The following PCDH15 variants were observed in gnomAD, a reference collection of about 807,000 sequenced individuals.
The protein encoded by PCDH15 is protocadherin-15.
Under a neutral mutation model 178.5 loss-of-function variants are expected in PCDH15, and 129 were observed. The observed-to-expected ratio is 0.72, with a 90% CI of 0.63 to 0.84. The LOEUF is 0.84. Ranked by LOEUF, PCDH15 falls within the 40% of genes least tolerant of loss-of-function variation. The pLI is 0.00. For missense variants in PCDH15, 2,230 were observed against 2,099.9 expected (o/e 1.06, Z -1.21); for synonymous variants, 800 against 732.0 (o/e 1.09, Z -1.50).
intron 3 of PCDH15, among the ~76,000 whole-genome samples, chr10:54,504,371 T>C (rs557085338): frequency 6.6e-6 from 1 of 152,256 alleles, no homozygotes; most frequent in East Asian, 1.9e-4. Context: ...TCAGGTATTG[T>C]TCAGGTACTG....
chr10:55,582,204 C>T (rs936443278), intron 2 of PCDH15, among the ~76,000 whole-genome samples: 1 of 152,144 alleles, frequency 6.6e-6, no homozygotes, highest in African/African-American at 2.4e-5. Context: ...AATCTAGAAT[C>T]TCATAAAGTC....
chr10:55,375,271 A>T (rs1401658586), intron 2 of PCDH15, among the ~76,000 whole-genome samples: 1 of 152,122 alleles, frequency 6.6e-6, no homozygotes, highest in Admixed American at 6.6e-5. Flanking sequence ...TTTAAGGAAA[A>T]CTTAAGAAAG....
rs148105167 is a variant in PCDH15 at position 55,233,356 on chromosome 10, A to G, written c.-155-66705T>C. On this transcript the variant is annotated intron_variant, in intron 1 of 5. Transcript: ENST00000458638. ...TATGTTTAACTGCAAAGTTATTTCTACCTCACAATAATTAGATGCTTTACT... is the reference window on the plus strand; with the variant it reads ...TATGTTTAACTGCAAAGTTATTTCTGCCTCACAATAATTAGATGCTTTACT... Among the ~76,000 whole-genome samples the G allele has an allele frequency of 2.8e-3, 427 of 152,216 alleles. 3 individuals are homozygous for G. Among genetic ancestry groups the G allele is most frequent in the African/African-American group, 9.8e-3 (407 of 41,512 alleles).
intron 3 of PCDH15, among the ~76,000 whole-genome samples, chr10:54,847,308 G>A (rs530794638): frequency 3.2e-4 from 49 of 151,946 alleles, no homozygotes; most frequent in Non-Finnish European, 6.0e-4. Context: ...TTGCAGTATC[G>A]CATTTTAGAA....
At chr10:54,496,773 A>AC (rs2080155884) in intron 3 of PCDH15, among the ~76,000 whole-genome samples, 1 of 152,222 alleles carries the variant, frequency 6.6e-6, no homozygotes, top group South Asian at 2.1e-4. Context: ...TAATGGAAAA[A>AC]TTTCAAACAT....
intron 6 of PCDH15, among the ~76,000 whole-genome samples, chr10:54,335,069 CTA>C (rs770626391): frequency 2.6e-5 from 4 of 152,150 alleles, no homozygotes; most frequent in African/African-American, 4.8e-5. Flanking sequence ...GCTGAAAATT[CTA>C]TGTTATTGTC....
At chr10:54,194,409 A>G (rs943122985) in intron 11 of PCDH15, among the ~76,000 whole-genome samples, 5 of 152,186 alleles carry the variant, frequency 3.3e-5, no homozygotes, top group African/African-American at 1.2e-4. Flanking sequence ...GTATAAGACT[A>G]GTGGCTACTA....
intron 2 of PCDH15, among the ~76,000 whole-genome samples, chr10:54,579,587 T>C (rs530942933): frequency 6.6e-6 from 1 of 151,770 alleles, no homozygotes; most frequent in Non-Finnish European, 1.5e-5. Context: ...CAATGCAAAA[T>C]AACAAAATAA....
At chr10:54,073,715 A>G (rs895326805) in intron 17 of PCDH15, among the ~76,000 whole-genome samples, 1 of 152,192 alleles carries the variant, frequency 6.6e-6, no homozygotes. Flanking sequence ...TACCTATTGT[A>G]TCAATTAAGG....
chr10:54,827,722 C>T (rs2133747697), intron 3 of PCDH15, among the ~76,000 whole-genome samples: 1 of 152,134 alleles, frequency 6.6e-6, no homozygotes, highest in African/African-American at 2.4e-5. Context: ...GAGCTAATCA[C>T]CACTTTCATT....
At chr10:54,895,999 G>A (rs998505169) in intron 3 of PCDH15, among the ~76,000 whole-genome samples, 10 of 151,968 alleles carry the variant, frequency 6.6e-5, no homozygotes, top group Non-Finnish European at 1.3e-4. Context: ...CGATCCTCCT[G>A]CCTCATCCTC....
chr10:55,158,078 GTATATA>G lies in PCDH15; in HGVS notation c.-80+8492_-80+8497del, dbSNP rs1176916491. On this transcript the variant is annotated intron_variant, in intron 2 of 5. Coordinates refer to the PCDH15 transcript ENST00000458638. ...CACACAAATATGTGTGTATGTGTGT[GTATATA>G]TATATATATATATACACATATCTTT... Among the ~76,000 whole-genome samples the G allele has an allele frequency of 3.3e-3, 386 of 117,170 alleles. 2 individuals carry two copies. Among genetic ancestry groups the G allele is most frequent in the African/African-American group, 0.012 (353 of 28,882 alleles). 76.9% of individuals were successfully genotyped at this position (117,170 alleles called of 152,430 possible). A position where few individuals can be genotyped will look rare whatever the true frequency, so the allele number is the denominator to read the frequency against.
intron 2 of PCDH15, among the ~76,000 whole-genome samples, chr10:54,537,995 CT>C (rs1298173071): frequency 6.6e-6 from 1 of 152,038 alleles, no homozygotes; most frequent in African/African-American, 2.4e-5. Flanking sequence ...ATTTAAGTTT[CT>C]TATAGATTCT....
Position 54,619,317 on chromosome 10 carries a change from T to TA in PCDH15, c.91+44854dup, listed in dbSNP as rs201728695. Reference sequence around the variant, plus strand: ...GGGATAACATCTGTTAATAGAGACTTAAAAAAAGTAAGTAATTTAAGGAAG... The same window carrying TA: ...GGGATAACATCTGTTAATAGAGACTTAAAAAAAAGTAAGTAATTTAAGGAAG... On this transcript the variant is annotated intron_variant, in intron 2 of 37. Coordinates refer to ENST00000644397, the MANE Select transcript of PCDH15 (RefSeq NM_001384140.1). 4.6e-3 allele frequency: 698 copies of TA among 151,994 alleles called. 5 individuals carry two copies. Among genetic ancestry groups the TA allele is most frequent in the African/African-American group, 0.016 (661 of 41,480 alleles). 9.4% of individuals were successfully genotyped at this position (151,994 alleles called of 1,614,324 possible).
intron 2 of PCDH15, among the ~76,000 whole-genome samples, chr10:55,006,784 T>C (rs141348400): frequency 6.9e-4 from 105 of 152,328 alleles, no homozygotes; most frequent in African/African-American, 2.4e-3. Flanking sequence ...TAATATTTAA[T>C]GACTGCCCTG....
intron 2 of PCDH15, among the ~76,000 whole-genome samples, chr10:55,027,423 G>C (rs953652493): frequency 6.6e-6 from 1 of 151,688 alleles, no homozygotes; most frequent in Admixed American, 6.6e-5. Context: ...TATATCAGAG[G>C]TGAATGAGGG....
chr10:54,202,117 CA>C (rs1358044741), intron 10 of PCDH15, among the ~76,000 whole-genome samples: 9 of 152,276 alleles, frequency 5.9e-5, no homozygotes, highest in African/African-American at 2.2e-4. Context: ...GCTCTTAACA[CA>C]TGGCTTAGAT....
At chr10:54,101,316 A>C (rs2094807818) in intron 15 of PCDH15, among the ~76,000 whole-genome samples, 1 of 152,100 alleles carries the variant, frequency 6.6e-6, no homozygotes, top group South Asian at 2.1e-4. Flanking sequence ...GTATGTCTTT[A>C]TCAGCAGCTT....
chr10:54,196,276 G>A (rs193186280), intron 10 of PCDH15, among the ~76,000 whole-genome samples: 1 of 152,030 alleles, frequency 6.6e-6, no homozygotes, highest in Non-Finnish European at 1.5e-5. Context: ...CCAAGTAGCT[G>A]GGACTACAGG....
Sources: allele counts gnomAD v4.1 joint callset (sites outside exome capture counted in the v4.1 genomes callset), GRCh38; gene constraint gnomAD v4.1.1; transcripts MANE v1.5; gene names NCBI Gene and HGNC (gene_info 2026-07-23, HGNC 2026-07-21).